The following SNRNP40 variants were observed in gnomAD, a reference collection of about 807,000 sequenced individuals.
The protein encoded by SNRNP40 is U5 small nuclear ribonucleoprotein 40 kDa protein.
SNRNP40 carries 21 observed loss-of-function variants against 45.8 expected under a neutral mutation model. The observed-to-expected ratio is 0.46, with a 90% CI of 0.32 to 0.66. SNRNP40 has a LOEUF of 0.66. Among genes scored for constraint, SNRNP40 ranks in the 30% least tolerant of loss-of-function variants. The pLI, the probability that SNRNP40 is intolerant of heterozygous loss-of-function variation, is 0.03. For missense variants in SNRNP40, 344 were observed against 439.1 expected, an observed-to-expected ratio of 0.78 and a Z score of 1.94; for synonymous variants, 142 against 163.8, an observed-to-expected ratio of 0.87 and a Z score of 1.01.
intron 3 of SNRNP40, 37 bp downstream of exon 3, chr1:31,291,876 T>A: frequency 7.2e-7 from 1 of 1,383,532 alleles, no homozygotes; most frequent in Non-Finnish European, 1.0e-6. Flanking sequence ...CAAGAATTAG[T>A]ATGAGAAGCT....
chr1:31,279,863 CTT>C (rs1237906544), intron 5 of SNRNP40, among the ~76,000 whole-genome samples: 1 of 151,894 alleles, frequency 6.6e-6, no homozygotes, highest in Admixed American at 6.6e-5. Flanking sequence ...AATCCCAGCA[CTT>C]TGGGAGGCCG....
intron 4 of SNRNP40, among the ~76,000 whole-genome samples, chr1:31,285,651 C>G (rs1646052528): frequency 2.0e-5 from 3 of 152,136 alleles, no homozygotes; most frequent in Admixed American, 2.0e-4. Context: ...ATCCTCAAAT[C>G]CCACTCAAGT....
chr1:31,261,425 A>G (rs985752013), intron 9 of SNRNP40, 104 bp downstream of exon 9: 20 of 715,578 alleles, frequency 2.8e-5, no homozygotes, highest in Admixed American at 8.1e-5. Flanking sequence ...GGCTGTTTGC[A>G]TGGAAATTCG....
chr1:31,261,513 G>A lies in SNRNP40; in HGVS notation c.1024+16C>T, dbSNP rs370124004. On this transcript the variant is annotated intron_variant, in intron 9 of 9. Transcript: ENST00000263694. ...GATTTCCAGTTTCCCTTTCCCCCTCGTTGGGACAGACTTACTGATGGGCTC... is the reference window on the plus strand; with the variant it reads ...GATTTCCAGTTTCCCTTTCCCCCTCATTGGGACAGACTTACTGATGGGCTC... 239 of 1,560,028 alleles carry A rather than the reference G, an allele frequency of 1.5e-4. 1 individual carries two copies. Among genetic ancestry groups the A allele is most frequent in the African/African-American group, 1.2e-3 (92 of 73,912 alleles).
rs1367866227 is a variant in SNRNP40 at position 31,269,238 on chromosome 1, G to A, written c.778C>T (p.Arg260Cys). The change falls in exon 7 of 10, where the codon CGT becomes TGT. Residue 260 changes from arginine to cysteine, a missense_variant and splice_region_variant. Arg to Cys is a radical substitution (Grantham distance 180). Coordinates refer to ENST00000263694, the MANE Select transcript of SNRNP40 (RefSeq NM_004814.3). ...GCAAATGGCCGGACATCCCAGACAC[G>A]AACTGCAAAACAAATCCAAATAAAC... ...LLSNAMDNTV[R>C]VWDVRPFAPK... 4 of 1,612,472 alleles carry A rather than the reference G, an allele frequency of 2.5e-6. No homozygotes were observed. The highest frequency in any genetic ancestry group is 2.2e-5 in the East Asian group (1 of 44,736).
chr1:31,295,972 A>G (rs1471613214), intron 1 of SNRNP40, among the ~76,000 whole-genome samples: 1 of 152,240 alleles, frequency 6.6e-6, no homozygotes, highest in Admixed American at 6.5e-5. Flanking sequence ...CACTATTTCT[A>G]TCTTACAAAA....
intron 8 of SNRNP40, among the ~76,000 whole-genome samples, chr1:31,267,443 T>C (rs1190304253): frequency 6.6e-6 from 1 of 152,222 alleles, no homozygotes. Context: ...CAGAGCTTCA[T>C]CTTCAAGCAC....
chr1:31,267,992 C>T lies in SNRNP40; in HGVS notation c.859-60G>A, dbSNP rs564062600. ...ACCAAACTCCTCTTTGCAAGGCTAC[C>T]GAATCACTAAGAGGCTTTAAATTTC... On this transcript the variant is annotated intron_variant, in intron 7 of 9. Transcript: ENST00000263694. 30 of 1,182,294 alleles carry T rather than the reference C, an allele frequency of 2.5e-5. 1 individual carries two copies. Among genetic ancestry groups the T allele is most frequent in the Admixed American group, 7.2e-5 (4 of 55,736 alleles). The allele number at this position is 1,182,294 out of a possible 1,614,324, so 73.2% of individuals were successfully genotyped here.
intron 4 of SNRNP40, among the ~76,000 whole-genome samples, chr1:31,287,867 G>C (rs555410564): frequency 6.6e-6 from 1 of 152,122 alleles, no homozygotes. Context: ...GCGTGGTATG[G>C]GTCCCTGTAG....
At chr1:31,269,858 T>G (rs118047552) in intron 6 of SNRNP40, among the ~76,000 whole-genome samples, 2 of 152,234 alleles carry the variant, frequency 1.3e-5, no homozygotes, top group Non-Finnish European at 2.9e-5. Flanking sequence ...TTTTCTGTTC[T>G]GTAAAATGAA....
intron 5 of SNRNP40, among the ~76,000 whole-genome samples, chr1:31,278,811 T>G (rs1319972716): frequency 6.6e-6 from 1 of 151,470 alleles, no homozygotes; most frequent in Non-Finnish European, 1.5e-5. Context: ...GATGATGGAG[T>G]TGTGGAAGTA....
chr1:31,284,629 T>C (rs1646042788), intron 4 of SNRNP40, among the ~76,000 whole-genome samples: 1 of 152,188 alleles, frequency 6.6e-6, no homozygotes, highest in African/African-American at 2.4e-5. Flanking sequence ...TTGGGATGAC[T>C]GTTCCAAGTT....
At chr1:31,292,441 T>C (rs1646114204) in intron 2 of SNRNP40, among the ~76,000 whole-genome samples, 2 of 152,206 alleles carry the variant, frequency 1.3e-5, no homozygotes, top group Non-Finnish European at 2.9e-5. Flanking sequence ...AATTCATATA[T>C]GTTCTGCAAA....
intron 3 of SNRNP40, 63 bp downstream of exon 3, chr1:31,291,850 A>G (rs1261295095): frequency 6.0e-6 from 7 of 1,164,350 alleles, no homozygotes; most frequent in Non-Finnish European, 8.9e-6. Flanking sequence ...AGAAAGGATG[A>G]AAGGTGAAAG....
At chr1:31,271,657 C>CA (rs1553166314) in intron 5 of SNRNP40, among the ~76,000 whole-genome samples, 158 bp from the exon 6 acceptor site, 1 of 63,462 alleles carries the variant, frequency 1.6e-5, no homozygotes, top group East Asian at 2.7e-4. Context: ...TTTTAATTTT[C>CA]ATTTTTTTTT....
chr1:31,283,140 C>T (rs952845964), intron 4 of SNRNP40, among the ~76,000 whole-genome samples: 1 of 152,142 alleles, frequency 6.6e-6, no homozygotes, highest in Non-Finnish European at 1.5e-5. Context: ...AAGGCAGGCT[C>T]CAACATACAA....
chr1:31,291,171 C>T (rs927685997), intron 3 of SNRNP40, among the ~76,000 whole-genome samples: 1 of 151,436 alleles, frequency 6.6e-6, no homozygotes, highest in African/African-American at 2.4e-5. Flanking sequence ...CCCTGTAATC[C>T]CAGCTATTCT....
chr1:31,279,624 G>A (rs1006566503), intron 5 of SNRNP40, among the ~76,000 whole-genome samples: 1 of 152,076 alleles, frequency 6.6e-6, no homozygotes, highest in African/African-American at 2.4e-5. Context: ...GCACACGCCT[G>A]TAGTCCCAGC....
At chr1:31,272,389 G>A (rs1223063071) in intron 5 of SNRNP40, among the ~76,000 whole-genome samples, 5 of 152,100 alleles carry the variant, frequency 3.3e-5, no homozygotes, top group Admixed American at 1.3e-4. Flanking sequence ...TAACCTAAAC[G>A]TCAAGCAGGA....
Sources: allele counts gnomAD v4.1 joint callset (sites outside exome capture counted in the v4.1 genomes callset), GRCh38; gene constraint gnomAD v4.1.1; transcripts MANE v1.5; gene names NCBI Gene and HGNC (gene_info 2026-07-23, HGNC 2026-07-21).